Variants in DOCK9 observed in about 807,000 individuals in gnomAD.
The protein encoded by DOCK9 is dedicator of cytokinesis protein 9.
A neutral mutation model predicts 263.3 loss-of-function variants in DOCK9; 89 were observed. That is an observed-to-expected ratio of 0.34 (90% CI 0.28 to 0.40). The LOEUF is 0.40. Ranked by LOEUF, DOCK9 falls within the 10% of genes least tolerant of loss-of-function variation. The probability of loss-of-function intolerance (pLI) is 1.00; values close to 1 mark genes in which losing one functional copy is unlikely to be tolerated. For synonymous variants in DOCK9, 976 were observed against 973.1 expected (o/e 1.00, Z -0.06); for missense variants, 2,140 against 2,603.4 (o/e 0.82, Z 3.87).
intron 1 of DOCK9, among the ~76,000 whole-genome samples, chr13:98,967,664 G>A (rs1242237366): frequency 2.6e-5 from 4 of 152,126 alleles, no homozygotes; most frequent in East Asian, 1.9e-4. Flanking sequence ...GCTCCACGTC[G>A]CCAGGGAGGA....
intron 37 of DOCK9, 133 bp from the exon 38 acceptor site, chr13:98,846,193 C>A: frequency 1.8e-6 from 2 of 1,109,780 alleles, no homozygotes; most frequent in Non-Finnish European, 2.6e-6. Flanking sequence ...GTGGAGCAGC[C>A]AGAGACACAG....
At chr13:99,020,739 A>C (rs1005927683) in intron 1 of DOCK9, among the ~76,000 whole-genome samples, 4 of 152,268 alleles carry the variant, frequency 2.6e-5, no homozygotes, top group Non-Finnish European at 5.9e-5. Flanking sequence ...AACTGGAATT[A>C]ATACTGTATT....
At chr13:99,060,713 C>T (rs1053999381) in intron 1 of DOCK9, among the ~76,000 whole-genome samples, 1 of 152,126 alleles carries the variant, frequency 6.6e-6, no homozygotes, top group Non-Finnish European at 1.5e-5. Context: ...CATATCATCA[C>T]AGGGCACCCC....
At chr13:98,988,196 C>T (rs975929989) in intron 1 of DOCK9, among the ~76,000 whole-genome samples, 9 of 152,162 alleles carry the variant, frequency 5.9e-5, no homozygotes, top group Admixed American at 5.9e-4. Flanking sequence ...TCCTTCAGAG[C>T]TGGGACCAGA....
intron 45 of DOCK9, among the ~76,000 whole-genome samples, chr13:98,823,957 A>G (rs1397608462): frequency 6.6e-6 from 1 of 152,202 alleles, no homozygotes; most frequent in Admixed American, 6.5e-5. Context: ...AGGGGTTGCT[A>G]TGACCAGGAC....
intron 2 of DOCK9, among the ~76,000 whole-genome samples, chr13:98,939,453 T>C (rs908660826): frequency 4.6e-5 from 7 of 152,224 alleles, no homozygotes; most frequent in Non-Finnish European, 1.5e-5. Flanking sequence ...AAAGCATCCA[T>C]GCTTGTGCTT....
chr13:99,004,075 T>G (rs559251907), intron 1 of DOCK9, among the ~76,000 whole-genome samples: 1 of 152,280 alleles, frequency 6.6e-6, no homozygotes, highest in South Asian at 2.1e-4. Context: ...CTTGGGACTT[T>G]GCTCCCTCTG....
At chr13:98,847,364 T>C (rs2093423367) in intron 37 of DOCK9, 1 of 152,230 alleles carries the variant, frequency 6.6e-6, no homozygotes, top group Non-Finnish European at 1.5e-5. Flanking sequence ...AAGGACACCT[T>C]GTATATACTT....
chr13:98,936,719 A>C (rs1364714931), intron 2 of DOCK9, among the ~76,000 whole-genome samples: 1 of 152,184 alleles, frequency 6.6e-6, no homozygotes, highest in Non-Finnish European at 1.5e-5. Context: ...CTTGCATATA[A>C]GTTTTTTCTC....
intron 7 of DOCK9, among the ~76,000 whole-genome samples, chr13:98,917,288 T>C (rs1365039634): frequency 6.6e-6 from 1 of 152,258 alleles, no homozygotes; most frequent in African/African-American, 2.4e-5. Flanking sequence ...ATACATTTAG[T>C]TTTGCTTTAA....
upstream of DOCK9, among the ~76,000 whole-genome samples, chr13:98,982,523 T>G (rs1456110461): frequency 6.6e-6 from 1 of 152,194 alleles, no homozygotes; most frequent in African/African-American, 2.4e-5. Flanking sequence ...TTTGCCCCGG[T>G]AGAAGAACCC....
At chr13:98,955,672 G>A (rs1252440435) in intron 1 of DOCK9, 121 bp from the exon 2 acceptor site, 1 of 655,034 alleles carries the variant, frequency 1.5e-6, no homozygotes, top group Non-Finnish European at 2.6e-6. Flanking sequence ...GCTAGTTTTG[G>A]TATCACAAAG....
At chr13:99,073,068 C>A (rs967002245) in intron 1 of DOCK9, among the ~76,000 whole-genome samples, 1 of 152,150 alleles carries the variant, frequency 6.6e-6, no homozygotes, top group African/African-American at 2.4e-5. Flanking sequence ...GAGTGTCTCA[C>A]CTCAGGAAGG....
chr13:99,050,225 G>T (rs2040621770), intron 1 of DOCK9, among the ~76,000 whole-genome samples: 1 of 152,082 alleles, frequency 6.6e-6, no homozygotes, highest in Non-Finnish European at 1.5e-5. Flanking sequence ...CTTTGGTAAT[G>T]CTTTAATTAA....
intron 1 of DOCK9, among the ~76,000 whole-genome samples, chr13:99,019,568 A>T (rs1447288890): frequency 1.3e-5 from 2 of 151,908 alleles, no homozygotes; most frequent in African/African-American, 4.8e-5. Context: ...TCCCCCAATA[A>T]TCATCACCAA....
intron 1 of DOCK9, among the ~76,000 whole-genome samples, chr13:99,039,443 G>A (rs772120100): frequency 6.6e-6 from 1 of 152,094 alleles, no homozygotes; most frequent in African/African-American, 2.4e-5. Context: ...GGAAAACCCT[G>A]CTCTTAAATG....
Position 98,901,762 on chromosome 13 carries a change from T to C in DOCK9, c.1503+16A>G. On this transcript the variant is annotated intron_variant, in intron 13 of 52. Transcript: ENST00000682017. ...GATTGCTTTTTACCACCCCAAAGCG[T>C]AAAAGCCATTCATACCTTAGAAGAG... 1.9e-6 allele frequency: 3 copies of C among 1,611,562 alleles called. No individual in the cohort carries two copies. The highest frequency in any genetic ancestry group is 2.5e-6 in the Non-Finnish European group (3 of 1,178,780).
At chr13:98,866,518 C>T (rs1490581029) in intron 30 of DOCK9, among the ~76,000 whole-genome samples, 1 of 152,110 alleles carries the variant, frequency 6.6e-6, no homozygotes, top group East Asian at 1.9e-4. Flanking sequence ...TCCCTTAGCA[C>T]AAAATACCTG....
At chr13:99,021,997 G>GAAATTAAGAAAGTATTATTA (rs1886173299) in intron 1 of DOCK9, among the ~76,000 whole-genome samples, 1 of 152,014 alleles carries the variant, frequency 6.6e-6, no homozygotes, top group Non-Finnish European at 1.5e-5. Flanking sequence ...TTAAATAATG[G>GAAATTAAGAAAGTATTATTA]AAATTAAGAA....
Sources: allele counts gnomAD v4.1 joint callset (sites outside exome capture counted in the v4.1 genomes callset), GRCh38; gene constraint gnomAD v4.1.1; transcripts MANE v1.5; gene names NCBI Gene and HGNC (gene_info 2026-07-23, HGNC 2026-07-21).